KCNIP1: variants seen among roughly 807,000 people sequenced by gnomAD.
KCNIP1 encodes the protein potassium voltage-gated channel interacting protein 1.
A neutral mutation model predicts 33.0 loss-of-function variants in KCNIP1; 18 were observed. The ratio of observed to expected loss-of-function variants is 0.55; its 90% CI spans 0.38 to 0.81. KCNIP1 has a LOEUF of 0.81. KCNIP1 is among the 30% of genes least tolerant of loss of function. KCNIP1 has a pLI of 0.00. For missense variants in KCNIP1, 238 were observed against 271.6 expected, an observed-to-expected ratio of 0.88 and a Z score of 0.87; for synonymous variants, 93 against 98.3, an observed-to-expected ratio of 0.95 and a Z score of 0.32.
intron 1 of KCNIP1, chr5:170,485,995 C>A (rs145862754): frequency 0.019 from 2,863 of 152,436 alleles, 34 homozygotes; most frequent in South Asian, 0.042. Flanking sequence ...AATGGCCTGT[C>A]CCAAACAGAT....
intron 1 of KCNIP1, among the ~76,000 whole-genome samples, chr5:170,469,259 G>A (rs1339621591): frequency 2.0e-5 from 3 of 152,006 alleles, no homozygotes; most frequent in Non-Finnish European, 4.4e-5. Flanking sequence ...GCTGAGCATG[G>A]TGGTGTACAC....
At chr5:170,716,532 G>A (rs1763649619) in intron 1 of KCNIP1, among the ~76,000 whole-genome samples, 1 of 151,880 alleles carries the variant, frequency 6.6e-6, no homozygotes, top group Admixed American at 6.6e-5. Context: ...AGCCAATGAT[G>A]AAAACGAAAA....
intron 2 of KCNIP1, among the ~76,000 whole-genome samples, 154 bp downstream of exon 2, chr5:170,719,036 G>C (rs1763728487): frequency 1.3e-5 from 2 of 152,276 alleles, no homozygotes; most frequent in South Asian, 4.1e-4. Flanking sequence ...GAGATCACCT[G>C]GCTAGAAAGG....
intron 1 of KCNIP1, among the ~76,000 whole-genome samples, chr5:170,543,091 A>G (rs1324622587): frequency 6.6e-6 from 1 of 152,334 alleles, no homozygotes; most frequent in East Asian, 1.9e-4. Context: ...TACTGATCCC[A>G]TTCATGAGGG....
At chr5:170,691,340 G>A (rs965879925) in intron 1 of KCNIP1, among the ~76,000 whole-genome samples, 3 of 152,140 alleles carry the variant, frequency 2.0e-5, no homozygotes, top group Admixed American at 2.0e-4. Context: ...GTATCAAAAA[G>A]GTGTATTTCA....
chr5:170,676,124 C>T (rs1476785790), intron 1 of KCNIP1, among the ~76,000 whole-genome samples: 1 of 54,014 alleles, frequency 1.9e-5, no homozygotes, highest in African/African-American at 5.8e-5. Context: ...AGGGAGGGAG[C>T]GAGGGAGGCG....
intron 1 of KCNIP1, chr5:170,680,569 CAT>C (rs2113792704): frequency 6.6e-6 from 1 of 152,416 alleles, no homozygotes; most frequent in South Asian, 2.1e-4. Flanking sequence ...GCAGGGACCA[CAT>C]ATGTTCCAGA....
chr5:170,508,876 C>T (rs1300002266), intron 1 of KCNIP1, among the ~76,000 whole-genome samples: 1 of 152,116 alleles, frequency 6.6e-6, no homozygotes, highest in African/African-American at 2.4e-5. Context: ...CTCACAATCG[C>T]GCTTGGAATT....
intron 1 of KCNIP1, among the ~76,000 whole-genome samples, chr5:170,495,831 G>T (rs1436705306): frequency 6.6e-6 from 1 of 152,174 alleles, no homozygotes; most frequent in Non-Finnish European, 1.5e-5. Flanking sequence ...ATTTTTGCAG[G>T]CCCTGTCCCA....
At chr5:170,403,461 C>T (rs1754958714) in intron 1 of KCNIP1, among the ~76,000 whole-genome samples, 1 of 152,162 alleles carries the variant, frequency 6.6e-6, no homozygotes, top group South Asian at 2.1e-4. Context: ...TTGACTATGA[C>T]CCCATACAGA....
intron 1 of KCNIP1, among the ~76,000 whole-genome samples, chr5:170,392,352 A>G (rs1426002624): frequency 1.3e-5 from 2 of 152,154 alleles, no homozygotes; most frequent in Non-Finnish European, 2.9e-5. Flanking sequence ...AAAAAAACTA[A>G]TGTTTCATGC....
intron 1 of KCNIP1, among the ~76,000 whole-genome samples, chr5:170,388,278 C>CTAGGAG (rs1764567715): frequency 6.6e-6 from 1 of 152,192 alleles, no homozygotes; most frequent in Non-Finnish European, 1.5e-5. Flanking sequence ...ATAAATCCTC[C>CTAGGAG]TAAGACCATG....
upstream of KCNIP1, chr5:170,503,955 G>C (rs560315190): frequency 1.5e-5 from 7 of 464,588 alleles, no homozygotes; most frequent in Admixed American, 6.5e-5. Flanking sequence ...TGCAGCCCTC[G>C]CCCCCGCCCC....
chr5:170,454,820 C>G (rs1042477600), intron 1 of KCNIP1, among the ~76,000 whole-genome samples: 1 of 152,002 alleles, frequency 6.6e-6, no homozygotes, highest in Non-Finnish European at 1.5e-5. Flanking sequence ...TCTGTGTATT[C>G]ATTTGATGTT....
intron 1 of KCNIP1, among the ~76,000 whole-genome samples, chr5:170,624,740 G>GGAA (rs1759755205): frequency 2.1e-5 from 2 of 95,850 alleles, no homozygotes. Flanking sequence ...GGTGGGGGGG[G>GGAA]AGAGGGGAGG....
chr5:170,564,142 T>C (rs927382426), intron 1 of KCNIP1, among the ~76,000 whole-genome samples: 4 of 152,310 alleles, frequency 2.6e-5, no homozygotes, highest in Non-Finnish European at 4.4e-5. Context: ...AAGAAATCAC[T>C]GGGCCTTCTA....
At chr5:170,530,877 C>T (rs141041866) in intron 1 of KCNIP1, among the ~76,000 whole-genome samples, 39 of 152,222 alleles carry the variant, frequency 2.6e-4, no homozygotes, top group East Asian at 2.5e-3. Flanking sequence ...TGGACCATCG[C>T]GCCTGTGTTG....
chr5:170,590,754 G>T (rs1167298258), intron 1 of KCNIP1, among the ~76,000 whole-genome samples: 1 of 152,244 alleles, frequency 6.6e-6, no homozygotes. Flanking sequence ...AGCCCCAAGT[G>T]TCTGTGGCTG....
chr5:170,555,621 T>C (rs896345759), intron 1 of KCNIP1, among the ~76,000 whole-genome samples: 3 of 152,118 alleles, frequency 2.0e-5, no homozygotes, highest in Admixed American at 1.3e-4. Flanking sequence ...CCCAAACAAT[T>C]TGTGGGTGCT....
Sources: allele counts gnomAD v4.1 joint callset (sites outside exome capture counted in the v4.1 genomes callset), GRCh38; gene constraint gnomAD v4.1.1; transcripts MANE v1.5; gene names NCBI Gene and HGNC (gene_info 2026-07-23, HGNC 2026-07-21).